The following TRMT44 variants were observed in gnomAD, a reference collection of about 807,000 sequenced individuals.
TRMT44 encodes the protein probable tRNA (uracil-O(2)-)-methyltransferase.
A neutral mutation model predicts 77.3 loss-of-function variants in TRMT44; 78 were observed. The observed-to-expected ratio is 1.01, with a 90% CI of 0.84 to 1.22. The LOEUF (loss-of-function observed/expected upper bound fraction) is 1.22, where lower values mean the gene tolerates loss of function less well. Among genes scored for constraint, TRMT44 ranks in the 50% most tolerant of loss-of-function variants. The pLI is 0.00. For missense variants in TRMT44, 1,090 were observed against 964.4 expected, an observed-to-expected ratio of 1.13 and a Z score of -1.73; for synonymous variants, 391 against 383.3, an observed-to-expected ratio of 1.02 and a Z score of -0.23.
downstream of TRMT44, among the ~76,000 whole-genome samples, chr4:8,494,771 G>C (rs1219420548): frequency 6.6e-6 from 1 of 151,878 alleles, no homozygotes. Context: ...GATATTTTGG[G>C]TTCAAATACC....
At position 8,461,539 on chromosome 4, in the gene TRMT44, G is replaced by A. The variant is rs192554979; in HGVS notation, c.1204-2446G>A. The stretch of plus-strand genomic sequence containing the variant: ...TGCTGAGGGTGCCCCTTGGAGAACG[G>A]GCGGAGGCTCTAGTTCTTTAGCTGA... On this transcript the variant is annotated intron_variant, in intron 6 of 10. Coordinates refer to ENST00000389737, the MANE Select transcript of TRMT44 (RefSeq NM_152544.3). The surrounding 1 kb of genome is among the most constrained non-coding windows in gnomAD (Gnocchi z 4.6). 3.2e-4 allele frequency among the ~76,000 whole-genome samples: 48 copies of A among 152,264 alleles called. No individual in the cohort carries two copies. In the East Asian group the frequency reaches 7.7e-3, roughly 25 times the overall value.
chr4:8,470,984 T>C (rs1726951993), intron 9 of TRMT44, 100 bp from the exon 10 acceptor site: 3 of 771,666 alleles, frequency 3.9e-6, no homozygotes, highest in African/African-American at 1.8e-5. Context: ...GCATAACGCG[T>C]GTGAGTGTAT....
intron 1 of TRMT44, among the ~76,000 whole-genome samples, chr4:8,445,485 TC>T (rs1431044405): frequency 1.3e-5 from 2 of 152,134 alleles, no homozygotes; most frequent in South Asian, 4.1e-4. Flanking sequence ...TCACCTCCAT[TC>T]CCCATGCACC....
intron 5 of TRMT44, 36 bp from the exon 6 acceptor site, chr4:8,454,706 A>T: frequency 1.3e-6 from 2 of 1,596,406 alleles, no homozygotes; most frequent in East Asian, 4.5e-5. Flanking sequence ...TGAAGTACTA[A>T]GGTTAACCTT....
At chr4:8,460,563 ACT>A (rs773122814) in intron 6 of TRMT44, among the ~76,000 whole-genome samples, 1 of 125,400 alleles carries the variant, frequency 8.0e-6, no homozygotes, top group African/African-American at 2.9e-5. Context: ...TGTTGGCCTC[ACT>A]CTTTTTTTTT....
chr4:8,485,442 A>G (rs942380994), intron 2 of TRMT44, among the ~76,000 whole-genome samples: 2 of 152,206 alleles, frequency 1.3e-5, no homozygotes, highest in African/African-American at 4.8e-5. Flanking sequence ...AGGAGAGTTT[A>G]TAGGTTTTAG....
chr4:8,453,406 G>C (rs1271287491), intron 5 of TRMT44: 1 of 153,338 alleles, frequency 6.5e-6, no homozygotes, highest in African/African-American at 2.4e-5. Context: ...TGGCCGAGGC[G>C]GGTGGATCAC....
At chr4:8,449,252 T>C (rs1006011357) in intron 2 of TRMT44, among the ~76,000 whole-genome samples, 2 of 152,242 alleles carry the variant, frequency 1.3e-5, no homozygotes, top group Non-Finnish European at 2.9e-5. Flanking sequence ...TTTATCTCTG[T>C]GGCTGAGCAC....
chr4:8,452,829 C>T lies in TRMT44; in HGVS notation c.1024-53C>T. On this transcript the variant is annotated intron_variant, in intron 4 of 10. Coordinates refer to ENST00000389737, the MANE Select transcript of TRMT44 (RefSeq NM_152544.3). The surrounding 1 kb of genome is among the most constrained non-coding windows in gnomAD (Gnocchi z 5.7). ...TTGACCAGTTTGTGTCTAAATTATT[C>T]TTGCGTAGAGTGAATTACCACCTGA... 1.9e-6 allele frequency: 2 copies of T among 1,054,272 alleles called. No individual in the cohort carries two copies. The highest frequency in any genetic ancestry group is 2.7e-6 in the Non-Finnish European group (2 of 739,594). 65.3% of individuals were successfully genotyped at this position (1,054,272 alleles called of 1,614,324 possible).
At chr4:8,465,664 G>A in intron 8 of TRMT44, 103 bp downstream of exon 8, 1 of 1,025,626 alleles carries the variant, frequency 9.8e-7, no homozygotes, top group Non-Finnish European at 1.4e-6. Flanking sequence ...CGTTCAAAAT[G>A]TTCTAGAACG....
intron 9 of TRMT44, 141 bp from the exon 10 acceptor site, chr4:8,470,943 G>C: frequency 1.6e-6 from 1 of 641,304 alleles, no homozygotes; most frequent in Non-Finnish European, 2.8e-6. Context: ...GTGTGGGTTA[G>C]GTGAGATGGA....
intron 3 of TRMT44, among the ~76,000 whole-genome samples, chr4:8,450,114 A>G (rs536370576): frequency 5.5e-4 from 84 of 151,882 alleles, no homozygotes; most frequent in Middle Eastern, 3.4e-3. Flanking sequence ...CTACAGGAAC[A>G]TGCCACCACG....
chr4:8,501,954 C>T, the TRMT44 span, among the ~76,000 whole-genome samples: 5 of 152,226 alleles, frequency 3.3e-5, no homozygotes, highest in Non-Finnish European at 7.3e-5. This position sits in a 1 kb window ranked among gnomAD's most constrained non-coding sequence, Gnocchi z 4.4. Flanking sequence ...GCTGGCTTCC[C>T]GCCTCTTCCC....
At chr4:8,487,937 C>T (rs552576977) in intron 2 of TRMT44, among the ~76,000 whole-genome samples, 44 of 152,274 alleles carry the variant, frequency 2.9e-4, no homozygotes, top group African/African-American at 8.4e-4. Context: ...AGTCTGTGAC[C>T]GGCGCCGGAG....
the TRMT44 span, among the ~76,000 whole-genome samples, chr4:8,508,274 G>C: frequency 6.6e-6 from 1 of 152,226 alleles, no homozygotes; most frequent in South Asian, 2.1e-4. Flanking sequence ...GGGCAATTTC[G>C]TATGGCTGTG....
At position 8,476,100 on chromosome 4, in the gene TRMT44, C is replaced by G; in HGVS notation, c.*99C>G. The G allele has an allele frequency of 1.9e-6, 2 of 1,071,492 alleles. No individual in the cohort carries two copies. Among genetic ancestry groups the G allele is most frequent in the Non-Finnish European group, 2.7e-6 (2 of 732,854 alleles). The allele number at this position is 1,071,492 out of a possible 1,614,324, so 66.4% of individuals were successfully genotyped here. ...TGTGGTCTCTGCTCTGGCTGTGTTTCAGCCCACCTCCTCCCAGCTTTCTCC... is the reference window on the plus strand; with the variant it reads ...TGTGGTCTCTGCTCTGGCTGTGTTTGAGCCCACCTCCTCCCAGCTTTCTCC... On this transcript the variant is annotated 3_prime_UTR_variant, in exon 11 of 11. Coordinates refer to ENST00000389737, the MANE Select transcript of TRMT44 (RefSeq NM_152544.3).
rs781280698 is a variant in TRMT44, at chr4:8,475,793, TC to T, written c.2068del (p.Arg690AlafsTer115). Reference sequence around the variant, plus strand: ...ACAGTTGTGAATGGGAGAGTTCACATCCGCGACTGGCGAGAGGAGACACTGT... The same window carrying T: ...ACAGTTGTGAATGGGAGAGTTCACATCGCGACTGGCGAGAGGAGACACTGT... ...VFQVVNGRVH[I>X]RDWREETLWK... On this transcript the variant is annotated frameshift_variant, in exon 11 of 11. Transcript: ENST00000389737. LOFTEE classifies it low-confidence loss of function (END_TRUNC). 6 of 1,613,984 alleles carry T rather than the reference TC, an allele frequency of 3.7e-6. No individual in the cohort carries two copies. In the South Asian group the frequency reaches 6.6e-5, roughly 18 times the overall value.
Position 8,475,938 on chromosome 4 carries a change from G to A in TRMT44, c.2211G>A (p.Pro737=), listed in dbSNP as rs368689245. Residue 737 remains proline (P), a synonymous_variant, in exon 11 of 11, where the codon CCG becomes CCA. Transcript: ENST00000389737. ...DGCALSTDCC[P]FAHGPAELRP... ...GCGCTCTGTCCACGGACTGCTGCCCGTTTGCCCATGGGCCTGCGGAGCTGC... is the reference window on the plus strand; with the variant it reads ...GCGCTCTGTCCACGGACTGCTGCCCATTTGCCCATGGGCCTGCGGAGCTGC... The A allele has an allele frequency of 2.7e-4, 434 of 1,614,176 alleles. 4 individuals carry two copies. The South Asian group carries it at 3.1e-3, about 12-fold the overall frequency.
At chr4:8,479,322 CAT>C (rs1489224642), downstream of TRMT44, 8 of 151,938 alleles carry the variant, frequency 5.3e-5, no homozygotes, top group African/African-American at 1.7e-4. Flanking sequence ...AAAGCACAGT[CAT>C]GTGTCAATTA....
Sources: gnomAD v4.1 joint callset for allele counts (sites outside exome capture counted in the v4.1 genomes callset) on GRCh38, gnomAD v4.1.1 for gene constraint, Gnocchi (gnomAD v3.1) non-coding constraint, MANE v1.5 for transcripts, NCBI Gene and HGNC (gene_info 2026-07-23, HGNC 2026-07-21) for gene names.